The following COL10A1 variants were observed in gnomAD, a reference collection of about 807,000 sequenced individuals.
COL10A1 encodes collagen alpha-1(X) chain.
Under a neutral mutation model 18.2 loss-of-function variants are expected in COL10A1, and 10 were observed. The ratio of observed to expected loss-of-function variants is 0.55; its 90% CI spans 0.34 to 0.93. The LOEUF (loss-of-function observed/expected upper bound fraction) is 0.93, where lower values mean the gene tolerates loss of function less well. Among genes scored for constraint, COL10A1 ranks in the 40% least tolerant of loss-of-function variants. COL10A1 has a pLI of 0.02. For missense variants in COL10A1, 897 were observed against 853.5 expected, an observed-to-expected ratio of 1.05 and a Z score of -0.64; for synonymous variants, 330 against 316.6, an observed-to-expected ratio of 1.04 and a Z score of -0.45.
chr6:116,140,172 A>C (rs1247361972), intron 1 of COL10A1, among the ~76,000 whole-genome samples: 1 of 152,160 alleles, frequency 6.6e-6, no homozygotes, highest in Non-Finnish European at 1.5e-5. Flanking sequence ...CCACCAGTGC[A>C]TGCTCTCAGG....
upstream of COL10A1, among the ~76,000 whole-genome samples, chr6:116,130,050 A>G (rs73564686): frequency 0.046 from 7,050 of 152,202 alleles, 512 homozygotes; most frequent in African/African-American, 0.15. Flanking sequence ...GGACATTGGT[A>G]ATTGCCTACA....
chr6:116,153,424 A>T (rs929945932), intron 1 of COL10A1, among the ~76,000 whole-genome samples: 3 of 152,154 alleles, frequency 2.0e-5, no homozygotes, highest in Admixed American at 2.0e-4. Flanking sequence ...GTTATCTTTA[A>T]GCATAGTGTT....
upstream of COL10A1, among the ~76,000 whole-genome samples, chr6:116,126,829 T>A (rs1017553443): frequency 6.6e-6 from 1 of 152,040 alleles, no homozygotes; most frequent in African/African-American, 2.4e-5. Flanking sequence ...GAGAAAAAAA[T>A]TTTCAAACTT....
chr6:116,143,773 A>G (rs1486005933), intron 1 of COL10A1, among the ~76,000 whole-genome samples: 2 of 152,210 alleles, frequency 1.3e-5, no homozygotes, highest in African/African-American at 4.8e-5. Flanking sequence ...TCAGTCAACA[A>G]AATTAGCTAT....
chr6:116,129,200 A>G (rs1278514360), upstream of COL10A1, among the ~76,000 whole-genome samples: 1 of 152,236 alleles, frequency 6.6e-6, no homozygotes, highest in African/African-American at 2.4e-5. Flanking sequence ...TGTAGTTCAC[A>G]TACATATATA....
the COL10A1 span, among the ~76,000 whole-genome samples, chr6:116,164,483 A>G: frequency 6.6e-6 from 1 of 152,094 alleles, no homozygotes; most frequent in Non-Finnish European, 1.5e-5. Flanking sequence ...ATGTCTTTAT[A>G]CATTATGTGG....
chr6:116,135,215 A>T (rs1779558975), intron 1 of COL10A1, among the ~76,000 whole-genome samples: 1 of 152,100 alleles, frequency 6.6e-6, no homozygotes, highest in Non-Finnish European at 1.5e-5. Flanking sequence ...TACATATATG[A>T]CCCTTAAAGG....
chr6:116,125,776 G>T (rs1779283980), intron 1 of COL10A1: 2 of 298,900 alleles, frequency 6.7e-6, no homozygotes, highest in African/African-American at 4.5e-5. Flanking sequence ...TTGGATGTCT[G>T]TATTAAATAA....
intron 1 of COL10A1, among the ~76,000 whole-genome samples, chr6:116,148,876 A>T (rs1779963347): frequency 6.6e-6 from 1 of 152,152 alleles, no homozygotes; most frequent in Admixed American, 6.5e-5. Flanking sequence ...AGCCAAAGAA[A>T]CGTTTTTAAA....
chr6:116,188,238 G>A, the COL10A1 span, among the ~76,000 whole-genome samples: 1 of 152,018 alleles, frequency 6.6e-6, no homozygotes, highest in South Asian at 2.1e-4. Flanking sequence ...TTAAACTGCT[G>A]GTGGGAGTGT....
chr6:116,215,049 A>G, the COL10A1 span, among the ~76,000 whole-genome samples: 2 of 152,274 alleles, frequency 1.3e-5, no homozygotes, highest in East Asian at 3.9e-4. Flanking sequence ...CATCCAGAAT[A>G]GAACCCAGTT....
At chr6:116,180,370 T>A in the COL10A1 span, among the ~76,000 whole-genome samples, 2 of 152,054 alleles carry the variant, frequency 1.3e-5, no homozygotes, top group African/African-American at 4.8e-5. Context: ...TATAGAAGAA[T>A]TCCAGCTTTT....
chr6:116,152,147 G>A (rs1161012822), intron 1 of COL10A1, among the ~76,000 whole-genome samples: 2 of 152,084 alleles, frequency 1.3e-5, no homozygotes, highest in Non-Finnish European at 2.9e-5. Flanking sequence ...CAGTGCCTTC[G>A]TTTTCATTAT....
At chr6:116,151,324 A>G (rs1325306106) in intron 1 of COL10A1, among the ~76,000 whole-genome samples, 2 of 152,246 alleles carry the variant, frequency 1.3e-5, no homozygotes, top group Admixed American at 1.3e-4. Context: ...GTGCATTTTT[A>G]CTCCACATAT....
the COL10A1 span, among the ~76,000 whole-genome samples, chr6:116,174,753 C>T: frequency 2.6e-5 from 4 of 152,268 alleles, no homozygotes; most frequent in African/African-American, 9.6e-5. Flanking sequence ...TCATCATACT[C>T]CATTTTGAAG....
intron 1 of COL10A1, among the ~76,000 whole-genome samples, chr6:116,132,923 A>G (rs560686952): frequency 8.5e-5 from 13 of 152,286 alleles, no homozygotes; most frequent in Non-Finnish European, 1.9e-4. Flanking sequence ...AAAATGATCT[A>G]TTTGTGTAAA....
At chr6:116,199,038 A>G in the COL10A1 span, among the ~76,000 whole-genome samples, 1 of 152,048 alleles carries the variant, frequency 6.6e-6, no homozygotes, top group African/African-American at 2.4e-5. Context: ...AATGTTTAGC[A>G]AGATCACTGG....
intron 2 of COL10A1, 28 bp from the exon 3 acceptor site, chr6:116,121,989 C>T (rs1779146645): frequency 6.3e-7 from 1 of 1,584,372 alleles, no homozygotes. Context: ...CACACCCACC[C>T]ATAGAAGGGG....
At chr6:116,141,885 A>AACACAC (rs3051942) in intron 1 of COL10A1, among the ~76,000 whole-genome samples, 3,922 of 140,372 alleles carry the variant, frequency 0.028, 191 homozygotes, top group African/African-American at 0.088. Context: ...CCAAAAAGAA[A>AACACAC]ACACACACAC....
Sources: gnomAD v4.1 joint callset for allele counts (sites outside exome capture counted in the v4.1 genomes callset) on GRCh38, gnomAD v4.1.1 for gene constraint, MANE v1.5 for transcripts, NCBI Gene and HGNC (gene_info 2026-07-23, HGNC 2026-07-21) for gene names.